The following PI4KB variants were observed in gnomAD, a reference collection of about 807,000 sequenced individuals.
PI4KB encodes the protein phosphatidylinositol 4-kinase beta.
PI4KB carries 23 observed loss-of-function variants against 81.4 expected under a neutral mutation model. The observed-to-expected ratio is 0.28, with a 90% CI of 0.20 to 0.40. The LOEUF (loss-of-function observed/expected upper bound fraction) is 0.40. Ranked by LOEUF, PI4KB falls within the 10% of genes least tolerant of loss-of-function variation. PI4KB has a pLI of 1.00. For missense variants in PI4KB, 651 were observed against 1,036.6 expected (o/e 0.63, Z 5.11); for synonymous variants, 381 against 406.8 (o/e 0.94, Z 0.76).
rs1695017921 is a variant in PI4KB at position 151,298,868 on chromosome 1, T to C, written c.1955A>G (p.Asn652Ser). The change falls in exon 9 of 12, where the codon AAT (asparagine) becomes AGT (serine). Residue 652 changes from asparagine (N) to serine (S), a missense_variant. Physicochemically the swap from Asn to Ser is conservative, Grantham distance 46 (BLOSUM62 1). Coordinates refer to ENST00000368873, the MANE Select transcript of PI4KB (RefSeq NM_001369623.2). ...GTACCCAGCACAACTTTGCACAAAA[T>C]TGCGCTGTGCACTGAGGAATGCCTC... ...TTEAFLSAQR[N>S]FVQSCAGYCL... 6.2e-7 allele frequency: 1 copy of C among 1,614,174 alleles called. No individual in the cohort carries two copies. Among genetic ancestry groups the C allele is most frequent in the East Asian group, 2.2e-5 (1 of 44,880 alleles).
At chr1:151,309,125 G>C (rs1224042937) in intron 3 of PI4KB, among the ~76,000 whole-genome samples, 1 of 152,146 alleles carries the variant, frequency 6.6e-6, no homozygotes, top group African/African-American at 2.4e-5. Flanking sequence ...AATGGAATTG[G>C]GTTTCTAAGG....
chr1:151,304,430 G>A (rs1295714043), intron 5 of PI4KB, among the ~76,000 whole-genome samples: 1 of 145,476 alleles, frequency 6.9e-6, no homozygotes, highest in African/African-American at 2.6e-5. Flanking sequence ...TGCGACCTCC[G>A]CCTCCCAGGT....
At chr1:151,311,932 G>A (rs763678148) in intron 2 of PI4KB, among the ~76,000 whole-genome samples, 7 of 152,320 alleles carry the variant, frequency 4.6e-5, no homozygotes, top group Non-Finnish European at 8.8e-5. Context: ...TCATCATATC[G>A]GGGAGGGTGT....
rs570563924 is a variant in PI4KB at position 151,315,783 on chromosome 1, C to G, written c.699G>C (p.Gly233=). Residue 233 remains glycine (G), a synonymous_variant, in exon 2 of 12, where the codon GGG becomes GGC. Transcript: ENST00000368873. Reference sequence around the variant, plus strand: ...AGAGGATCAGCTTCCGTAGCTTGGTCCCACGGGAGTGTCGTTGAGTGGAAA... The same window carrying G: ...AGAGGATCAGCTTCCGTAGCTTGGTGCCACGGGAGTGTCGTTGAGTGGAAA... ...MHISTQRHSR[G]TKLRKLILSD... The G allele has an allele frequency of 2.4e-5, 39 of 1,612,656 alleles. No homozygotes were observed. Among genetic ancestry groups the G allele is most frequent in the Non-Finnish European group, 3.3e-5 (39 of 1,179,176 alleles).
At chr1:151,313,599 C>A (rs587699888) in intron 2 of PI4KB, among the ~76,000 whole-genome samples, 1 of 152,368 alleles carries the variant, frequency 6.6e-6, no homozygotes, top group South Asian at 2.1e-4. Flanking sequence ...AGACAGCTAT[C>A]CAACCCTTCA....
intron 1 of PI4KB, among the ~76,000 whole-genome samples, chr1:151,323,511 T>G (rs1172938820): frequency 6.6e-6 from 1 of 150,830 alleles, no homozygotes; most frequent in African/African-American, 2.4e-5. Context: ...TCACCTGAGG[T>G]CAGGAGTTCG....
rs76595760 is a variant in PI4KB, at chr1:151,309,347, C to T, written c.954+864G>A. On this transcript the variant is annotated intron_variant, in intron 3 of 11. Transcript: ENST00000368873. ...ATTTGGGTTAGGGGCCCCTAAGTTA[C>T]GTGAGCATGTTAGAAATGTGACCCC... 4.3e-3 allele frequency among the ~76,000 whole-genome samples: 662 copies of T among 152,204 alleles called. 6 individuals are homozygous for T. The highest frequency in any genetic ancestry group is 0.014 in the Middle Eastern group (4 of 294).
chr1:151,293,918 C>G (rs753719450), intron 11 of PI4KB, 100 bp downstream of exon 11: 1 of 1,366,452 alleles, frequency 7.3e-7, no homozygotes, highest in South Asian at 1.3e-5. Flanking sequence ...ACCCCCCTCC[C>G]TCAACCGAGT....
chr1:151,317,758 C>T (rs1464555619), intron 1 of PI4KB, among the ~76,000 whole-genome samples: 1 of 152,116 alleles, frequency 6.6e-6, no homozygotes, highest in Non-Finnish European at 1.5e-5. Context: ...CCACTTTAGA[C>T]TATATTTCCT....
At chr1:151,310,330 T>C in intron 2 of PI4KB, 75 bp from the exon 3 acceptor site, 1 of 956,918 alleles carries the variant, frequency 1.0e-6, no homozygotes, top group Non-Finnish European at 1.6e-6. Context: ...GTAAAGAATT[T>C]AGCTCCAACT....
chr1:151,300,404 C>T (rs1008094495), intron 8 of PI4KB, among the ~76,000 whole-genome samples: 2 of 152,052 alleles, frequency 1.3e-5, no homozygotes, highest in East Asian at 1.9e-4. Flanking sequence ...GTCGGGAGTT[C>T]GAGACCAGCC....
intron 6 of PI4KB, among the ~76,000 whole-genome samples, chr1:151,302,790 A>G (rs1163385251): frequency 1.3e-5 from 2 of 150,440 alleles, no homozygotes; most frequent in Non-Finnish European, 3.0e-5. Context: ...TCATCGTGTT[A>G]GCCAGGATGG....
chr1:151,327,271 C>G lies in PI4KB; in HGVS notation c.-29G>C. ...GACTCATGAAGGAGGAGTAGCTTAC[C>G]TCTGGGGGACCCCCGCGGAGGGGGT... On this transcript the variant is annotated splice_region_variant and 5_prime_UTR_variant, in exon 1 of 12. Transcript: ENST00000368873. 1 of 146,056 alleles carries G rather than the reference C, an allele frequency of 6.8e-6. No homozygotes were observed. The highest frequency in any genetic ancestry group is 1.4e-5 in the Non-Finnish European group (1 of 71,708). The allele number at this position is 146,056 out of a possible 1,614,324, so 9.0% of individuals were successfully genotyped here.
rs1390699370 is a variant in PI4KB at position 151,305,185 on chromosome 1, C to G, written c.1410+951G>C. Among the ~76,000 whole-genome samples the G allele has an allele frequency of 7.9e-5, 12 of 152,286 alleles. No individual in the cohort carries two copies. The South Asian group carries it at 2.3e-3, about 29-fold the overall frequency. ...TTCACCTTGTTGGCCAGGCTGGTCT[C>G]GAAATCCTGACTTCAAGCGATCCAC... On this transcript the variant is annotated intron_variant, in intron 5 of 11. Transcript: ENST00000368873.
intron 10 of PI4KB, 78 bp from the exon 11 acceptor site, chr1:151,294,216 ACTC>A (rs753756835): frequency 1.9e-5 from 30 of 1,542,016 alleles, no homozygotes; most frequent in Non-Finnish European, 2.5e-5. Flanking sequence ...GCCTACCAGA[ACTC>A]CTCCTCCTCT....
At chr1:151,326,275 G>T in intron 1 of PI4KB, 1 of 1,299,232 alleles carries the variant, frequency 7.7e-7, no homozygotes, top group Non-Finnish European at 1.1e-6. Flanking sequence ...AACTTGCTCC[G>T]GCCTTCAGAA....
At chr1:151,304,977 A>T (rs1371290965) in intron 5 of PI4KB, among the ~76,000 whole-genome samples, 1 of 151,836 alleles carries the variant, frequency 6.6e-6, no homozygotes, top group Admixed American at 6.6e-5. Flanking sequence ...TTACAGGCAC[A>T]TGCCACCACG....
Position 151,315,830 on chromosome 1 carries a change from C to A in PI4KB, c.652G>T (p.Ala218Ser). ...GAAATGTGCATGTCTGAAGAATAGG[C>A]CCCAAGCAACAGGGCACACTGGAGG... ...FSLQCALLLG[A>S]YSSDMHISTQ... Residue 218 changes from alanine to serine, a missense_variant, in exon 2 of 12, where the codon GCC becomes TCC. Ala to Ser is a moderately conservative substitution (Grantham distance 99). This residue lies in a region of PI4KB where 314 missense variants were observed against 397.8 expected (regional missense o/e 0.79). Transcript: ENST00000368873. 1 of 1,613,332 alleles carries A rather than the reference C, an allele frequency of 6.2e-7. No individual in the cohort carries two copies. The highest frequency in any genetic ancestry group is 8.5e-7 in the Non-Finnish European group (1 of 1,179,662).
chr1:151,292,595 C>G lies in PI4KB; in HGVS notation c.*257G>C. 2.0e-6 allele frequency: 1 copy of G among 497,164 alleles called. No individual in the cohort carries two copies. Among genetic ancestry groups the G allele is most frequent in the Non-Finnish European group, 3.6e-6 (1 of 276,362 alleles). 30.8% of individuals were successfully genotyped at this position (497,164 alleles called of 1,614,324 possible). ...TCTGTTTTCTGGAGGGCAGTGAGTCCTGGAGTCAGTCTGGTGGTAATACTG... is the reference window on the plus strand; with the variant it reads ...TCTGTTTTCTGGAGGGCAGTGAGTCGTGGAGTCAGTCTGGTGGTAATACTG... On this transcript the variant is annotated 3_prime_UTR_variant, in exon 12 of 12. Transcript: ENST00000368873.
Sources: allele counts gnomAD v4.1 joint callset (sites outside exome capture counted in the v4.1 genomes callset), GRCh38; gene constraint gnomAD v4.1.1; regional missense constraint gnomAD v4.1.1; transcripts MANE v1.5; gene names NCBI Gene and HGNC (gene_info 2026-07-23, HGNC 2026-07-21).